The following APOBEC1 variants were observed in gnomAD, a reference collection of about 807,000 sequenced individuals.
APOBEC1 encodes apolipoprotein B mRNA editing enzyme catalytic subunit 1.
APOBEC1 carries 22 observed loss-of-function variants against 26.3 expected under a neutral mutation model. The observed-to-expected ratio is 0.84, with a 90% CI of 0.60 to 1.19. The LOEUF (loss-of-function observed/expected upper bound fraction) is 1.19, where lower values mean the gene tolerates loss of function less well. APOBEC1 is among the 50% of genes most tolerant of loss of function. APOBEC1 has a pLI of 0.00. For missense variants in APOBEC1, 253 were observed against 289.0 expected (o/e 0.88, Z 0.90); for synonymous variants, 77 against 95.3 (o/e 0.81, Z 1.12).
At chr12:7,651,611 CAAAAAA>C (rs370874683) in intron 3 of APOBEC1, among the ~76,000 whole-genome samples, 2 of 111,108 alleles carry the variant, frequency 1.8e-5, no homozygotes, top group Non-Finnish European at 1.8e-5. Context: ...GACTCCGTCT[CAAAAAA>C]AAAAAAAAAA....
At chr12:7,669,933 C>A (rs753457446), upstream of APOBEC1, among the ~76,000 whole-genome samples, 15 of 151,760 alleles carry the variant, frequency 9.9e-5, no homozygotes, top group Admixed American at 2.6e-4. Context: ...ATTTATATAT[C>A]TTTTTTCTGA....
upstream of APOBEC1, among the ~76,000 whole-genome samples, chr12:7,669,029 G>A (rs1863924669): frequency 2.0e-5 from 3 of 151,980 alleles, no homozygotes; most frequent in South Asian, 6.2e-4. Flanking sequence ...ACCATGCCTG[G>A]CCAGCACCCC....
chr12:7,659,449 C>T (rs1863773605), intron 1 of APOBEC1, among the ~76,000 whole-genome samples: 1 of 148,212 alleles, frequency 6.7e-6, no homozygotes, highest in Admixed American at 6.8e-5. Context: ...ATTTAATTTG[C>T]ACCAGGGAGA....
At chr12:7,659,190 AAGCTGAGGCAGG>A (rs1863761694) in intron 1 of APOBEC1, among the ~76,000 whole-genome samples, 1 of 144,810 alleles carries the variant, frequency 6.9e-6, no homozygotes, top group Non-Finnish European at 1.5e-5. Flanking sequence ...GCTACTCAGG[AAGCTGAGGCAGG>A]AGAATTGCTT....
Position 7,651,077 on chromosome 12 carries a change from TTGTGGCCAG to T in APOBEC1, c.498_506del (p.His166_Pro168del). 2 of 1,614,146 alleles carry T rather than the reference TTGTGGCCAG, an allele frequency of 1.2e-6. No homozygotes were observed. Among genetic ancestry groups the T allele is most frequent in the Non-Finnish European group, 1.7e-6 (2 of 1,180,016 alleles). ...ACAACATCATCCACAGAGGTGGGTA[TTGTGGCCAG>T]TGAGCTTCATCCCCAGGTGGGTAGT... is the stretch of plus-strand genomic sequence containing the variant. On this transcript the variant is annotated inframe_deletion, in exon 4 of 5. Transcript: ENST00000229304.
chr12:7,660,371 G>GAAAGAAAGAAAGAAA (rs1555094880), intron 1 of APOBEC1, among the ~76,000 whole-genome samples: 8 of 18,042 alleles, frequency 4.4e-4, no homozygotes, highest in African/African-American at 1.1e-3. Flanking sequence ...AAGGAAGGAA[G>GAAAGAAAGAAAGAAA]GAAGGAAAGA....
chr12:7,667,918 A>AG (rs1863912956), upstream of APOBEC1, among the ~76,000 whole-genome samples: 1 of 75,356 alleles, frequency 1.3e-5, no homozygotes, highest in Non-Finnish European at 3.5e-5. Flanking sequence ...TCTAAAAAAA[A>AG]AAAGAAAAAA....
intron 1 of APOBEC1, among the ~76,000 whole-genome samples, chr12:7,660,374 AG>A (rs1863794535): frequency 9.7e-6 from 1 of 103,266 alleles, no homozygotes; most frequent in African/African-American, 4.0e-5. Context: ...GAAGGAAGGA[AG>A]GAAAGAAAGA....
rs199895916 is a variant in APOBEC1 at position 7,652,690 on chromosome 12, C to A, written c.190G>T (p.Val64Phe). The A allele has an allele frequency of 1.2e-6, 2 of 1,614,086 alleles. No homozygotes were observed. The highest frequency in any genetic ancestry group is 2.7e-5 in the African/African-American group (2 of 75,040). ...GACGTAAATTTTTTTATAAAATTAA[C>A]TTCCACGTGATTGGTGGTGTTTTTG... ...SGKNTTNHVE[V>F]NFIKKFTSER... Residue 64 changes from valine to phenylalanine, a missense_variant, in exon 3 of 5, where the codon GTT becomes TTT. Val to Phe is a conservative substitution (Grantham distance 50). Coordinates refer to ENST00000229304, the MANE Select transcript of APOBEC1 (RefSeq NM_001644.5).
At chr12:7,660,327 GAA>G (rs1395170005) in intron 1 of APOBEC1, among the ~76,000 whole-genome samples, 12 of 127,746 alleles carry the variant, frequency 9.4e-5, no homozygotes, top group Non-Finnish European at 8.4e-5. Context: ...AGGAAGGAAG[GAA>G]GGAAGGGAAG....
intron 1 of APOBEC1, among the ~76,000 whole-genome samples, chr12:7,664,863 C>T (rs912044988): frequency 3.4e-5 from 5 of 148,920 alleles, no homozygotes; most frequent in African/African-American, 1.2e-4. Flanking sequence ...GCAGTGATCA[C>T]ACCACTGTAC....
intron 3 of APOBEC1, 146 bp from the exon 4 acceptor site, chr12:7,651,287 G>A: frequency 1.6e-6 from 1 of 629,204 alleles, no homozygotes; most frequent in Non-Finnish European, 2.8e-6. Context: ...GAATAAAGCA[G>A]TTCATTTAAA....
chr12:7,655,177 C>G lies in APOBEC1; in HGVS notation c.17-545G>C, dbSNP rs140981781. Among the ~76,000 whole-genome samples the G allele has an allele frequency of 1.6e-4, 25 of 151,886 alleles. No individual in the cohort carries two copies. The East Asian group carries it at 4.1e-3, about 25-fold the overall frequency. ...TGAGCCAAGATCGCACCATTGCACT[C>G]CAGCCTGGGCAAAAGAGCAAAACTC... On this transcript the variant is annotated intron_variant, in intron 1 of 4. Coordinates refer to ENST00000229304, the MANE Select transcript of APOBEC1 (RefSeq NM_001644.5).
intron 1 of APOBEC1, among the ~76,000 whole-genome samples, chr12:7,660,416 G>GAAA (rs780368866): frequency 2.7e-5 from 4 of 145,994 alleles, no homozygotes; most frequent in Non-Finnish European, 3.1e-5. Context: ...AAGAAAGAGA[G>GAAA]GGTATTTGGG....
chr12:7,651,759 C>T (rs1863644301), intron 3 of APOBEC1, among the ~76,000 whole-genome samples: 1 of 151,968 alleles, frequency 6.6e-6, no homozygotes. Flanking sequence ...CTTCCTACCT[C>T]AGCCTTTAAA....
chr12:7,659,459 A>G (rs1362374271), intron 1 of APOBEC1, among the ~76,000 whole-genome samples: 1 of 150,540 alleles, frequency 6.6e-6, no homozygotes, highest in Non-Finnish European at 1.5e-5. Context: ...CACCAGGGAG[A>G]TACAAATTAA....
intron 2 of APOBEC1, among the ~76,000 whole-genome samples, chr12:7,653,462 TA>T (rs1863674556): frequency 6.6e-6 from 1 of 151,580 alleles, no homozygotes; most frequent in African/African-American, 2.4e-5. Context: ...GTTTCTCTTT[TA>T]AATTTTCCTT....
At chr12:7,660,627 C>T (rs1418092313) in intron 1 of APOBEC1, among the ~76,000 whole-genome samples, 5 of 145,504 alleles carry the variant, frequency 3.4e-5, no homozygotes, top group African/African-American at 1.3e-4. Context: ...CGCTTGAACC[C>T]GGGAGGCGGA....
chr12:7,660,370 AGGAAGG>A (rs1406572166), intron 1 of APOBEC1, among the ~76,000 whole-genome samples: 4 of 101,244 alleles, frequency 4.0e-5, no homozygotes, highest in African/African-American at 1.6e-4. Flanking sequence ...GAAGGAAGGA[AGGAAGG>A]AAAGAAAGAA....
Sources: gnomAD v4.1 joint callset for allele counts (sites outside exome capture counted in the v4.1 genomes callset) on GRCh38, gnomAD v4.1.1 for gene constraint, MANE v1.5 for transcripts, NCBI Gene and HGNC (gene_info 2026-07-23, HGNC 2026-07-21) for gene names.